The following DNAH12 variants were observed in gnomAD, a reference collection of about 807,000 sequenced individuals.
DNAH12 encodes axonemal beta dynein heavy chain 12.
DNAH12 carries 285 observed loss-of-function variants against 371.5 expected under a neutral mutation model. That is an observed-to-expected ratio of 0.77 (90% CI 0.70 to 0.85). The LOEUF (loss-of-function observed/expected upper bound fraction) is 0.85. Ranked by LOEUF, DNAH12 falls within the 40% of genes least tolerant of loss-of-function variation. The pLI is 0.00. For missense variants in DNAH12, 3,611 were observed against 3,689.4 expected, an observed-to-expected ratio of 0.98 and a Z score of 0.55; for synonymous variants, 1,200 against 1,213.0, an observed-to-expected ratio of 0.99 and a Z score of 0.22.
At chr3:57,467,025 G>A (rs1361861544) in intron 17 of DNAH12, among the ~76,000 whole-genome samples, 1 of 151,970 alleles carries the variant, frequency 6.6e-6, no homozygotes, top group Admixed American at 6.6e-5. Flanking sequence ...AAAGCACTGG[G>A]ATTACAGGTT....
intron 43 of DNAH12, chr3:57,402,489 G>T: frequency 8.2e-7 from 1 of 1,221,662 alleles, no homozygotes; most frequent in Non-Finnish European, 1.1e-6. Flanking sequence ...ATCATCATCA[G>T]GTTCATGGTT....
intron 57 of DNAH12, among the ~76,000 whole-genome samples, chr3:57,365,540 C>T: frequency 6.6e-6 from 1 of 152,154 alleles, no homozygotes; most frequent in East Asian, 1.9e-4. Flanking sequence ...TTGATAAGCG[C>T]AGCAAATCAC....
chr3:57,381,883 T>G (rs1174805222), intron 50 of DNAH12, among the ~76,000 whole-genome samples: 1 of 151,790 alleles, frequency 6.6e-6, no homozygotes, highest in Non-Finnish European at 1.5e-5. Flanking sequence ...ATATTTTTTT[T>G]TTTAGCTGAA....
intron 50 of DNAH12, among the ~76,000 whole-genome samples, chr3:57,381,409 G>C (rs1430564447): frequency 6.6e-6 from 1 of 152,028 alleles, no homozygotes; most frequent in Non-Finnish European, 1.5e-5. Flanking sequence ...AAATTAGTCT[G>C]TAAATTCAGT....
At chr3:57,529,909 C>T (rs1414378048) in intron 2 of DNAH12, among the ~76,000 whole-genome samples, 1 of 152,074 alleles carries the variant, frequency 6.6e-6, no homozygotes, top group Non-Finnish European at 1.5e-5. Flanking sequence ...TTCACTGTAT[C>T]CCATAGGTTT....
intron 58 of DNAH12, among the ~76,000 whole-genome samples, chr3:57,358,572 A>G (rs1450624479): frequency 2.6e-5 from 4 of 152,296 alleles, no homozygotes; most frequent in African/African-American, 9.6e-5. Flanking sequence ...ATTACACTGT[A>G]TAACCACAAA....
Position 57,293,734 on chromosome 3 carries a change from GGTTT to G in DNAH12, c.*43_*46del. ...TAATGTATATATTTTAAGTAGGACAGGTTTTTTTTTTTTTAAACTTTTGGATGTT... is the reference window on the plus strand; with the variant it reads ...TAATGTATATATTTTAAGTAGGACAGTTTTTTTTTTAAACTTTTGGATGTT... On this transcript the variant is annotated 3_prime_UTR_variant, in exon 74 of 74. Transcript: ENST00000495027. 7.1e-7 allele frequency: 1 copy of G among 1,410,784 alleles called. No individual in the cohort carries two copies. Among genetic ancestry groups the G allele is most frequent in the Non-Finnish European group, 9.6e-7 (1 of 1,038,450 alleles). The allele number at this position is 1,410,784 out of a possible 1,614,324, so 87.4% of individuals were successfully genotyped here.
intron 60 of DNAH12, among the ~76,000 whole-genome samples, chr3:57,345,325 ATC>A (rs2062513187): frequency 6.6e-6 from 1 of 152,072 alleles, no homozygotes; most frequent in South Asian, 2.1e-4. Flanking sequence ...ACAAACCAAA[ATC>A]TCTCATGAAA....
intron 43 of DNAH12, among the ~76,000 whole-genome samples, chr3:57,401,788 A>C (rs1049881001): frequency 2.6e-5 from 4 of 152,110 alleles, no homozygotes; most frequent in Admixed American, 2.6e-4. Flanking sequence ...AAAAATCAGA[A>C]ATGAAAATAG....
chr3:57,448,109 T>C (rs1023044519), intron 25 of DNAH12, among the ~76,000 whole-genome samples: 3 of 152,198 alleles, frequency 2.0e-5, no homozygotes, highest in African/African-American at 7.2e-5. Flanking sequence ...ATAATAAATA[T>C]ACTAGTGTGT....
intron 65 of DNAH12, among the ~76,000 whole-genome samples, chr3:57,317,639 CT>C (rs930941996): frequency 5.3e-5 from 8 of 152,006 alleles, no homozygotes; most frequent in Admixed American, 2.6e-4. Context: ...GCAATGAACA[CT>C]GGCCTGCTAA....
chr3:57,508,394 A>T lies in DNAH12; in HGVS notation c.689T>A (p.Phe230Tyr), dbSNP rs1371466794. 1.2e-6 allele frequency: 2 copies of T among 1,602,650 alleles called. No homozygotes were observed. Among genetic ancestry groups the T allele is most frequent in the Non-Finnish European group, 1.7e-6 (2 of 1,176,728 alleles). Residue 230 changes from phenylalanine (F) to tyrosine (Y), a missense_variant, in exon 7 of 74, where the codon TTC (phenylalanine) becomes TAC (tyrosine). Phe to Tyr is a conservative substitution (Grantham distance 22). This residue lies in a region of DNAH12 where 1,314 missense variants were observed against 1,398.7 expected (regional missense o/e 0.94). Coordinates refer to ENST00000495027, the MANE Select transcript of DNAH12 (RefSeq NM_001366028.2). ...AACGGGATTTTACCTAATTCCTGTG[A>T]AGTCCAACAAAACTGTATCAGCAAA... ...TTFADTVLLDFTGIRAKGPID... is the reference protein window; with the variant it reads ...TTFADTVLLDYTGIRAKGPID...
intron 17 of DNAH12, among the ~76,000 whole-genome samples, chr3:57,467,031 AG>A (rs2066224157): frequency 6.6e-6 from 1 of 152,096 alleles, no homozygotes; most frequent in Non-Finnish European, 1.5e-5. Flanking sequence ...CTGGGATTAC[AG>A]GTTACAGGTG....
At chr3:57,460,127 G>A (rs758592870) in intron 19 of DNAH12, among the ~76,000 whole-genome samples, 24 of 151,856 alleles carry the variant, frequency 1.6e-4, no homozygotes, top group Middle Eastern at 3.4e-3. Flanking sequence ...CCCACCCCAG[G>A]GAACATTTGA....
chr3:57,445,563 A>T lies in DNAH12; in HGVS notation c.4180-144T>A, dbSNP rs1225896627. ...CTAAACTCTAATTTTTTTTAGTAGT[A>T]CTTTTAATATTTTTATGCAGTTAGT... On this transcript the variant is annotated intron_variant, in intron 27 of 73. Coordinates refer to ENST00000495027, the MANE Select transcript of DNAH12 (RefSeq NM_001366028.2). The T allele has an allele frequency of 3.7e-5, 26 of 698,492 alleles. No homozygotes were observed. The African/African-American group carries it at 4.1e-4, about 11-fold the overall frequency. The allele number at this position is 698,492 out of a possible 1,614,324, so 43.3% of individuals were successfully genotyped here. A position where few individuals can be genotyped will look rare whatever the true frequency, so the allele number is the denominator to read the frequency against.
intron 9 of DNAH12, among the ~76,000 whole-genome samples, 200 bp downstream of exon 9, chr3:57,503,816 G>C (rs2067647629): frequency 6.6e-6 from 1 of 152,132 alleles, no homozygotes; most frequent in Non-Finnish European, 1.5e-5. Flanking sequence ...TCAATTCATA[G>C]CTACAAGAAA....
In DNAH12 at chr3:57,403,412, C is replaced by T. The variant is rs1553679780; in HGVS notation, c.6845G>A (p.Arg2282His). 3.2e-6 allele frequency: 5 copies of T among 1,551,240 alleles called. No homozygotes were observed. Among genetic ancestry groups the T allele is most frequent in the African/African-American group, 1.4e-5 (1 of 72,990 alleles). ...TGTAGCCAGACGAGTTAAAGATTGACGACCACTTCCTCCAAGACCAACAAG... is the reference window on the plus strand; with the variant it reads ...TGTAGCCAGACGAGTTAAAGATTGATGACCACTTCCTCCAAGACCAACAAG... ...ALLVGLGGSG[R>H]QSLTRLATSM... Residue 2282 changes from arginine (R) to histidine (H), a missense_variant, in exon 43 of 74, where the codon CGT becomes CAT. Arg to His is a conservative substitution (Grantham distance 29, BLOSUM62 0). Around this residue, in one of 3 missense-constraint regions of DNAH12, gnomAD observed 2,266 missense variants for 2,236.9 expected, o/e 1.01. Coordinates refer to ENST00000495027, the MANE Select transcript of DNAH12 (RefSeq NM_001366028.2).
At chr3:57,483,242 C>T in intron 13 of DNAH12, 134 bp downstream of exon 13, 1 of 1,011,044 alleles carries the variant, frequency 9.9e-7, no homozygotes, top group Non-Finnish European at 1.4e-6. Flanking sequence ...TATCCTATTT[C>T]TTGGCCTAGG....
intron 11 of DNAH12, among the ~76,000 whole-genome samples, 162 bp from the exon 12 acceptor site, chr3:57,489,849 C>T (rs2153385596): frequency 6.6e-6 from 1 of 151,936 alleles, no homozygotes; most frequent in South Asian, 2.1e-4. Flanking sequence ...TTTTTTTCAC[C>T]TATTCTTTCA....
Sources: gnomAD v4.1 joint callset for allele counts (sites outside exome capture counted in the v4.1 genomes callset) on GRCh38, gnomAD v4.1.1 for gene constraint, gnomAD v4.1.1 regional missense constraint, MANE v1.5 for transcripts, NCBI Gene and HGNC (gene_info 2026-07-23, HGNC 2026-07-21) for gene names.